The following SLC35F1 variants were observed in gnomAD, a reference collection of about 807,000 sequenced individuals.
SLC35F1 encodes the protein solute carrier family 35 member F1.
A neutral mutation model predicts 48.7 loss-of-function variants in SLC35F1; 14 were observed. The observed-to-expected ratio is 0.29, with a 90% CI of 0.19 to 0.45. SLC35F1 has a LOEUF of 0.45. SLC35F1 is among the 20% of genes least tolerant of loss of function. The pLI is 1.00. For synonymous variants in SLC35F1, 190 were observed against 202.2 expected, an observed-to-expected ratio of 0.94 and a Z score of 0.51; for missense variants, 404 against 500.0, an observed-to-expected ratio of 0.81 and a Z score of 1.83.
At chr6:118,284,350 AT>A (rs35154293) in intron 6 of SLC35F1, among the ~76,000 whole-genome samples, 2 of 150,734 alleles carry the variant, frequency 1.3e-5, no homozygotes, top group Admixed American at 1.3e-4. Flanking sequence ...AAAGAGCATT[AT>A]TTTTTTTTTA....
At chr6:118,065,332 G>A (rs763206148) in intron 1 of SLC35F1, among the ~76,000 whole-genome samples, 10 of 152,122 alleles carry the variant, frequency 6.6e-5, no homozygotes, top group African/African-American at 1.2e-4. Flanking sequence ...TTTTTAACAC[G>A]ATTTTATAGA....
chr6:118,003,026 C>T (rs1173836538), intron 1 of SLC35F1, among the ~76,000 whole-genome samples: 1 of 152,118 alleles, frequency 6.6e-6, no homozygotes, highest in Non-Finnish European at 1.5e-5. Context: ...CTAGATTGTG[C>T]TCAGTAAATC....
intron 1 of SLC35F1, among the ~76,000 whole-genome samples, chr6:117,933,848 C>T (rs1776132180): frequency 6.6e-6 from 1 of 151,944 alleles, no homozygotes; most frequent in Admixed American, 6.6e-5. Context: ...TTTCTAGGAC[C>T]CTGCGTGAGA....
At chr6:117,950,095 A>G (rs764335424) in intron 1 of SLC35F1, among the ~76,000 whole-genome samples, 2 of 151,942 alleles carry the variant, frequency 1.3e-5, no homozygotes, top group African/African-American at 4.8e-5. Context: ...CCCCATACCC[A>G]ATCTTGTTCT....
At chr6:118,204,701 T>A (rs924772224) in intron 2 of SLC35F1, among the ~76,000 whole-genome samples, 9 of 152,066 alleles carry the variant, frequency 5.9e-5, no homozygotes, top group African/African-American at 2.2e-4. Context: ...AGTGAATAAG[T>A]TATAAGAATT....
intron 1 of SLC35F1, among the ~76,000 whole-genome samples, chr6:118,056,554 T>A (rs1268636159): frequency 6.6e-6 from 1 of 152,160 alleles, no homozygotes; most frequent in Non-Finnish European, 1.5e-5. Flanking sequence ...ACCAAATCAA[T>A]CTATAAAGGC....
chr6:118,215,443 G>A (rs911205973), intron 2 of SLC35F1, among the ~76,000 whole-genome samples: 1 of 151,894 alleles, frequency 6.6e-6, no homozygotes, highest in African/African-American at 2.4e-5. Flanking sequence ...TAGATAAGAC[G>A]GTCTTGTTGC....
chr6:118,107,198 A>G (rs1422373045), intron 1 of SLC35F1, among the ~76,000 whole-genome samples: 1 of 152,160 alleles, frequency 6.6e-6, no homozygotes, highest in Non-Finnish European at 1.5e-5. Context: ...ATACACAAAA[A>G]AACTGGATCC....
intron 1 of SLC35F1, among the ~76,000 whole-genome samples, chr6:117,996,384 G>T (rs1354984591): frequency 6.6e-6 from 1 of 152,186 alleles, no homozygotes; most frequent in Non-Finnish European, 1.5e-5. Context: ...TGATGCAAAA[G>T]ACAGGTGATT....
At chr6:118,013,746 T>C (rs951062069) in intron 1 of SLC35F1, among the ~76,000 whole-genome samples, 1 of 152,212 alleles carries the variant, frequency 6.6e-6, no homozygotes, top group Non-Finnish European at 1.5e-5. Context: ...ATTTGATTGT[T>C]TTAGCATGCT....
At chr6:118,257,732 T>G (rs1215613054) in intron 3 of SLC35F1, among the ~76,000 whole-genome samples, 1 of 152,192 alleles carries the variant, frequency 6.6e-6, no homozygotes, top group Non-Finnish European at 1.5e-5. Flanking sequence ...AATAGACATT[T>G]TATTAGAATG....
intron 4 of SLC35F1, 64 bp from the exon 5 acceptor site, chr6:118,275,395 C>T: frequency 1.3e-6 from 2 of 1,526,040 alleles, no homozygotes; most frequent in Non-Finnish European, 1.8e-6. Context: ...TTTGCCGATG[C>T]CAGATTCTTG....
intron 1 of SLC35F1, among the ~76,000 whole-genome samples, chr6:118,037,565 C>G (rs1266393453): frequency 6.6e-6 from 1 of 152,044 alleles, no homozygotes; most frequent in East Asian, 1.9e-4. Flanking sequence ...AAGACACATG[C>G]ACACGTATGT....
rs964552108 is a variant in SLC35F1, at chr6:118,316,991, G to A, written c.*2739G>A. On this transcript the variant is annotated 3_prime_UTR_variant, in exon 8 of 8. Coordinates refer to ENST00000360388, the MANE Select transcript of SLC35F1 (RefSeq NM_001029858.4). Reference sequence around the variant, plus strand: ...ATCCTTTGGGAATGGGGCGGGAAATGGGAGTAGGACAACATTAACTTTAGC... The same window carrying A: ...ATCCTTTGGGAATGGGGCGGGAAATAGGAGTAGGACAACATTAACTTTAGC... 6.6e-6 allele frequency: 1 copy of A among 152,562 alleles called. No individual in the cohort carries two copies. The highest frequency in any genetic ancestry group is 1.5e-5 in the Non-Finnish European group (1 of 68,032). 9.5% of individuals were successfully genotyped at this position (152,562 alleles called of 1,614,324 possible).
At chr6:118,163,174 G>T (rs1459279071) in intron 2 of SLC35F1, among the ~76,000 whole-genome samples, 1 of 151,910 alleles carries the variant, frequency 6.6e-6, no homozygotes, top group African/African-American at 2.4e-5. Flanking sequence ...ATGTTGGCCA[G>T]GCTGGTTCTG....
At chr6:118,289,341 TA>T (rs1431366365) in intron 7 of SLC35F1, among the ~76,000 whole-genome samples, 2 of 152,226 alleles carry the variant, frequency 1.3e-5, no homozygotes, top group Non-Finnish European at 2.9e-5. Flanking sequence ...CAGGAGTTTT[TA>T]TTTCTCAGAG....
At chr6:118,091,349 C>T (rs1773070455) in intron 1 of SLC35F1, among the ~76,000 whole-genome samples, 1 of 152,112 alleles carries the variant, frequency 6.6e-6, no homozygotes. Context: ...TTGGAGGTAA[C>T]TGAATCATGA....
chr6:117,967,895 A>G (rs1277733033), intron 1 of SLC35F1, among the ~76,000 whole-genome samples: 1 of 152,214 alleles, frequency 6.6e-6, no homozygotes, highest in African/African-American at 2.4e-5. Context: ...TAAGTCTTCA[A>G]ATTCTTAGTT....
At chr6:118,058,319 C>G (rs1216091902) in intron 1 of SLC35F1, among the ~76,000 whole-genome samples, 2 of 152,104 alleles carry the variant, frequency 1.3e-5, no homozygotes, top group African/African-American at 4.8e-5. Flanking sequence ...ACTAGGAACC[C>G]AAGGAACTGG....
Sources: gnomAD v4.1 joint callset for allele counts (sites outside exome capture counted in the v4.1 genomes callset) on GRCh38, gnomAD v4.1.1 for gene constraint, MANE v1.5 for transcripts, NCBI Gene and HGNC (gene_info 2026-07-23, HGNC 2026-07-21) for gene names.